Variants in AGO2 observed in about 807,000 individuals in gnomAD.
The protein encoded by AGO2 is protein argonaute-2.
AGO2 carries 5 observed loss-of-function variants against 102.3 expected under a neutral mutation model. That is an observed-to-expected ratio of 0.05 (90% confidence interval 0.03 to 0.10). The LOEUF (loss-of-function observed/expected upper bound fraction) is 0.10, where lower values mean the gene tolerates loss of function less well. Among genes scored for constraint, AGO2 ranks in the 10% least tolerant of loss-of-function variants. The probability of loss-of-function intolerance (pLI) is 1.00; values close to 1 mark genes in which losing one functional copy is unlikely to be tolerated. For synonymous variants in AGO2, 449 were observed against 473.1 expected (o/e 0.95, Z 0.66); for missense variants, 541 against 1,183.7 (o/e 0.46, Z 7.97).
chr8:140,625,188 A>G (rs908815090), intron 1 of AGO2, among the ~76,000 whole-genome samples: 1 of 152,128 alleles, frequency 6.6e-6, no homozygotes, highest in Non-Finnish European at 1.5e-5. Flanking sequence ...CCTTTGCTGG[A>G]GTGCAGTGGC....
At chr8:140,536,482 A>G (rs1415974173) in intron 16 of AGO2, among the ~76,000 whole-genome samples, 1 of 151,766 alleles carries the variant, frequency 6.6e-6, no homozygotes, top group African/African-American at 2.4e-5. Context: ...ATGTGCCACC[A>G]CGGCCGGCTA....
chr8:140,564,198 C>T lies in AGO2; in HGVS notation c.337-1564G>A, dbSNP rs149196641. ...GCGCCGCAGCACGATTCCTTCCAGACATCAGAGCCATACGCACAGGGGATG... is the reference window on the plus strand; with the variant it reads ...GCGCCGCAGCACGATTCCTTCCAGATATCAGAGCCATACGCACAGGGGATG... On this transcript the variant is annotated intron_variant, in intron 3 of 18. Transcript: ENST00000220592. Among the ~76,000 whole-genome samples the T allele has an allele frequency of 7.4e-3, 1,121 of 152,284 alleles. 12 individuals are homozygous for T. Among genetic ancestry groups the T allele is most frequent in the Middle Eastern group, 0.058 (17 of 292 alleles).
intron 1 of AGO2, among the ~76,000 whole-genome samples, chr8:140,627,676 T>C (rs193267689): frequency 1.5e-3 from 225 of 152,232 alleles, no homozygotes; most frequent in Middle Eastern, 6.8e-3. Context: ...TAAAAACAGG[T>C]ATTGGCCGAT....
intron 2 of AGO2, among the ~76,000 whole-genome samples, chr8:140,573,414 A>G (rs1588469949): frequency 6.6e-6 from 1 of 151,948 alleles, no homozygotes; most frequent in Non-Finnish European, 1.5e-5. Context: ...CCCAACCTCA[A>G]GTGATCCACC....
chr8:140,601,739 C>G (rs1008863831), intron 1 of AGO2, among the ~76,000 whole-genome samples: 3 of 152,188 alleles, frequency 2.0e-5, no homozygotes, highest in Non-Finnish European at 4.4e-5. Flanking sequence ...ACTTATAATA[C>G]CTAAAACAAA....
At chr8:140,597,619 C>T (rs966155038) in intron 1 of AGO2, among the ~76,000 whole-genome samples, 1 of 151,966 alleles carries the variant, frequency 6.6e-6, no homozygotes, top group Admixed American at 6.6e-5. Context: ...CTGTCAGCTT[C>T]AGCCTCACTC....
chr8:140,622,297 G>A (rs1270739646), intron 1 of AGO2, among the ~76,000 whole-genome samples: 1 of 142,680 alleles, frequency 7.0e-6, no homozygotes, highest in African/African-American at 2.7e-5. Flanking sequence ...TGCACATGGG[G>A]TCTCCTCTTG....
intron 1 of AGO2, among the ~76,000 whole-genome samples, chr8:140,590,034 A>G (rs561009672): frequency 2.0e-4 from 30 of 152,360 alleles, no homozygotes; most frequent in African/African-American, 6.7e-4. Flanking sequence ...TGCAGTCGGA[A>G]CATCTGCTCC....
Position 140,565,833 on chromosome 8 carries a change from T to C in AGO2, c.337-3199A>G, listed in dbSNP as rs2073275479. On this transcript the variant is annotated intron_variant, in intron 3 of 18. Coordinates refer to ENST00000220592, the MANE Select transcript of AGO2 (RefSeq NM_012154.5). ...AGTGGTTCACGCCTATAATCCCAGC[T>C]CTTTGGGTGGCTGAGGTGGGAGGAT... Among the ~76,000 whole-genome samples the C allele has an allele frequency of 3.3e-5, 5 of 151,998 alleles. No individual in the cohort carries two copies. The South Asian group carries it at 1.0e-3, about 32-fold the overall frequency.
chr8:140,608,761 T>G (rs867833374), intron 1 of AGO2, among the ~76,000 whole-genome samples: 1 of 152,182 alleles, frequency 6.6e-6, no homozygotes, highest in South Asian at 2.1e-4. Context: ...ACGAAAGCAG[T>G]GAGGGGTGTC....
rs2073157712 is a variant in AGO2, at chr8:140,559,329, G to A, written c.790+66C>T. On this transcript the variant is annotated intron_variant, in intron 6 of 18. Transcript: ENST00000220592. ...ACAAGAACCAGAACTGCAAAATGCG[G>A]TCCCGGAGGCGGACCGGGAAGGGGC... 13 of 1,584,274 alleles carry A rather than the reference G, an allele frequency of 8.2e-6. 1 individual carries two copies. The South Asian group carries it at 1.4e-4, about 17-fold the overall frequency.
intron 5 of AGO2, 72 bp downstream of exon 5, chr8:140,560,302 C>A: frequency 1.9e-6 from 3 of 1,564,048 alleles, no homozygotes; most frequent in Non-Finnish European, 2.6e-6. Flanking sequence ...ATGCCACCCC[C>A]CGACCGGGGT....
chr8:140,535,446 C>A (rs778888186), intron 17 of AGO2, 22 bp downstream of exon 17: 1 of 1,611,160 alleles, frequency 6.2e-7, no homozygotes, highest in Admixed American at 1.7e-5. Flanking sequence ...AGACTCTGTC[C>A]GAAGGGGACT....
At chr8:140,615,977 A>ATT (rs1345161875) in intron 1 of AGO2, among the ~76,000 whole-genome samples, 6 of 152,240 alleles carry the variant, frequency 3.9e-5, no homozygotes, top group Admixed American at 6.5e-5. Flanking sequence ...GCTTTCTGAT[A>ATT]TCATTCATCT....
chr8:140,556,372 G>A, intron 8 of AGO2, 86 bp from the exon 9 acceptor site: 1 of 1,551,882 alleles, frequency 6.4e-7, no homozygotes. Flanking sequence ...CTGGTGGCCT[G>A]GCTCTGCTTG....
chr8:140,600,706 GCT>G (rs896855680), intron 1 of AGO2, among the ~76,000 whole-genome samples: 1 of 150,526 alleles, frequency 6.6e-6, no homozygotes, highest in East Asian at 1.9e-4. Context: ...TCCAAAACAC[GCT>G]CTCTGTTTTC....
chr8:140,587,206 C>G (rs752718378), intron 1 of AGO2, among the ~76,000 whole-genome samples: 3 of 152,180 alleles, frequency 2.0e-5, no homozygotes, highest in Non-Finnish European at 4.4e-5. Flanking sequence ...GAAACCTGCA[C>G]GCAGCCTGGT....
chr8:140,634,647 G>A (rs1357799698), intron 1 of AGO2, among the ~76,000 whole-genome samples: 3 of 152,224 alleles, frequency 2.0e-5, no homozygotes, highest in African/African-American at 7.2e-5. Context: ...CTTTTCCAGA[G>A]AAAGGCCGAC....
chr8:140,549,201 C>T lies in AGO2; in HGVS notation c.1501G>A (p.Val501Met). ...FCKYAQGADS[V>M]EPMFRHLKNT... ...TTCAGGTGCCGGAACATGGGCTCCA[C>T]GCTGTCCGCCCCCTGCGCGTATTTG... Residue 501 changes from valine (V) to methionine (M), a missense_variant, in exon 12 of 19, where the codon GTG becomes ATG. Val to Met is a conservative substitution (Grantham distance 21, BLOSUM62 1). Transcript: ENST00000220592. The T allele has an allele frequency of 6.2e-7, 1 of 1,613,814 alleles. No individual in the cohort carries two copies. Among genetic ancestry groups the T allele is most frequent in the Non-Finnish European group, 8.5e-7 (1 of 1,179,962 alleles).
Sources: gnomAD v4.1 joint callset for allele counts (sites outside exome capture counted in the v4.1 genomes callset) on GRCh38, gnomAD v4.1.1 for gene constraint, MANE v1.5 for transcripts, NCBI Gene and HGNC (gene_info 2026-07-23, HGNC 2026-07-21) for gene names.